The following ANGPT2 variants were observed in gnomAD, a reference collection of about 807,000 sequenced individuals.
The protein encoded by ANGPT2 is angiopoietin-2.
In ANGPT2, 28 loss-of-function variants were observed where a neutral mutation model predicts 62.9. That is an observed-to-expected ratio of 0.44 (90% confidence interval 0.33 to 0.61). ANGPT2 has a LOEUF of 0.61. ANGPT2 is among the 20% of genes least tolerant of loss of function. The pLI is 0.03. For synonymous variants in ANGPT2, 284 were observed against 207.8 expected (o/e 1.37, Z -3.15); for missense variants, 727 against 594.9 (o/e 1.22, Z -2.31).
At chr8:6,535,723 T>C (rs1820363145) in intron 1 of ANGPT2, among the ~76,000 whole-genome samples, 4 of 152,114 alleles carry the variant, frequency 2.6e-5, no homozygotes, top group Non-Finnish European at 4.4e-5. Flanking sequence ...GAACCAAAAA[T>C]GTGCAGTAGT....
At chr8:6,560,726 T>G (rs1562714) in intron 1 of ANGPT2, among the ~76,000 whole-genome samples, 24,070 of 152,202 alleles carry the variant, frequency 0.16, 5,071 homozygotes, top group African/African-American at 0.49. Context: ...GAAATTTTGG[T>G]CGCCTAACAT....
intron 1 of ANGPT2, among the ~76,000 whole-genome samples, chr8:6,555,482 G>A (rs1270512599): frequency 5.6e-5 from 8 of 143,092 alleles, no homozygotes; most frequent in Admixed American, 5.5e-4. Flanking sequence ...TTTTTTTGGA[G>A]ACAGGATCTC....
intron 1 of ANGPT2, among the ~76,000 whole-genome samples, chr8:6,553,682 T>A (rs1048506122): frequency 1.3e-5 from 2 of 149,162 alleles, no homozygotes; most frequent in Admixed American, 6.6e-5. Context: ...TTTTTTTTTT[T>A]ACCTCTCCCC....
At chr8:6,521,764 G>A (rs547169571) in intron 3 of ANGPT2, among the ~76,000 whole-genome samples, 2 of 152,346 alleles carry the variant, frequency 1.3e-5, no homozygotes, top group South Asian at 4.2e-4. Flanking sequence ...TGCTCATGAA[G>A]TGCTTTTTTG....
At chr8:6,506,633 A>G (rs1586202263) in intron 8 of ANGPT2, among the ~76,000 whole-genome samples, 1 of 152,160 alleles carries the variant, frequency 6.6e-6, no homozygotes, top group Non-Finnish European at 1.5e-5. Flanking sequence ...AGCTTTAAAA[A>G]GGATGATTGT....
chr8:6,548,676 A>G (rs1044703932), intron 1 of ANGPT2, among the ~76,000 whole-genome samples: 6 of 152,314 alleles, frequency 3.9e-5, no homozygotes, highest in African/African-American at 1.4e-4. Context: ...GATTTGAAAA[A>G]AGGAAGAAAA....
At chr8:6,560,893 G>A (rs1057112286) in intron 1 of ANGPT2, among the ~76,000 whole-genome samples, 20 of 152,170 alleles carry the variant, frequency 1.3e-4, no homozygotes, top group African/African-American at 4.1e-4. Flanking sequence ...CTTGCATTTG[G>A]CCTAGCATTC....
intron 8 of ANGPT2, among the ~76,000 whole-genome samples, chr8:6,505,351 CT>C (rs1363906057): frequency 9.2e-4 from 34 of 37,034 alleles, no homozygotes; most frequent in Middle Eastern, 0.031. Context: ...TATATATATT[CT>C]TTCTATATGT....
Position 6,509,079 on chromosome 8 carries a change from A to G in ANGPT2, c.1197-17T>C, listed in dbSNP as rs768835261. The G allele has an allele frequency of 2.5e-6, 4 of 1,609,508 alleles. No individual in the cohort carries two copies. The highest frequency in any genetic ancestry group is 2.2e-5 in the East Asian group (1 of 44,828). Reference sequence around the variant, plus strand: ...AGGTGAATCCTGTAAGCGTGCAAAGAAAAAAAACACATTGGCTAGGGTCAT... The same window carrying G: ...AGGTGAATCCTGTAAGCGTGCAAAGGAAAAAAACACATTGGCTAGGGTCAT... On this transcript the variant is annotated splice_polypyrimidine_tract_variant and intron_variant, in intron 7 of 8. Coordinates refer to ENST00000629816, the MANE Select transcript of ANGPT2 (RefSeq NM_001118887.2).
chr8:6,530,316 T>C (rs1734723014), intron 2 of ANGPT2, among the ~76,000 whole-genome samples: 1 of 152,090 alleles, frequency 6.6e-6, no homozygotes, highest in African/African-American at 2.4e-5. Flanking sequence ...GAGACCAGCC[T>C]GGCCAACGTG....
Position 6,499,917 on chromosome 8 carries a change from C to T in ANGPT2, c.*3184G>A. On this transcript the variant is annotated 3_prime_UTR_variant, in exon 9 of 9. Transcript: ENST00000629816. Reference sequence around the variant, plus strand: ...AGCCGTTCGAACTGTCTCACCACTTCCCTGCAGCTCCCGTAAGTCAGATGT... The same window carrying T: ...AGCCGTTCGAACTGTCTCACCACTTTCCTGCAGCTCCCGTAAGTCAGATGT... 2 of 1,613,556 alleles carry T rather than the reference C, an allele frequency of 1.2e-6. No homozygotes were observed. Among genetic ancestry groups the T allele is most frequent in the Non-Finnish European group, 1.7e-6 (2 of 1,179,802 alleles).
intron 3 of ANGPT2, among the ~76,000 whole-genome samples, chr8:6,521,643 C>T (rs1817363296): frequency 6.6e-6 from 1 of 152,114 alleles, no homozygotes; most frequent in Non-Finnish European, 1.5e-5. Flanking sequence ...CAGACTTATG[C>T]ATACACACAA....
At chr8:6,517,803 T>C (rs1816557091) in intron 5 of ANGPT2, among the ~76,000 whole-genome samples, 1 of 152,228 alleles carries the variant, frequency 6.6e-6, no homozygotes, top group African/African-American at 2.4e-5. Context: ...AGAATTTACA[T>C]CCAAGTCTGT....
chr8:6,520,142 TTTCC>T, intron 4 of ANGPT2, 151 bp from the exon 5 acceptor site: 1 of 819,758 alleles, frequency 1.2e-6, no homozygotes, highest in Non-Finnish European at 1.8e-6. Context: ...TTCTAGAAAG[TTTCC>T]TTTCAGCCTG....
chr8:6,525,939 A>C (rs1012998845), intron 3 of ANGPT2, among the ~76,000 whole-genome samples: 4 of 152,188 alleles, frequency 2.6e-5, no homozygotes, highest in African/African-American at 9.7e-5. Flanking sequence ...GCATTGTAGC[A>C]TGCTAAATTT....
At position 6,532,402 on chromosome 8, in the gene ANGPT2, A is replaced by G. The variant is rs201292344; in HGVS notation, c.374T>C (p.Ile125Thr). ...NAVQNQTAVM[I>T]EIGTNLLNQT... ...GTTCAACAGGTTTGTCCCTATTTCTATCATCACAGCCGTCTGGTTCTGTAC... is the reference window on the plus strand; with the variant it reads ...GTTCAACAGGTTTGTCCCTATTTCTGTCATCACAGCCGTCTGGTTCTGTAC... The change falls in exon 2 of 9, where the codon ATA (isoleucine) becomes ACA (threonine). Residue 125 changes from isoleucine (I) to threonine (T), a missense_variant. Physicochemically the swap from Ile to Thr is moderately conservative, Grantham distance 89. Transcript: ENST00000629816. The G allele has an allele frequency of 4.2e-4, 674 of 1,614,042 alleles. No individual in the cohort carries two copies. Among genetic ancestry groups the G allele is most frequent in the Non-Finnish European group, 5.1e-4 (602 of 1,180,022 alleles).
chr8:6,536,078 T>G (rs893494140), intron 1 of ANGPT2, among the ~76,000 whole-genome samples: 37 of 152,042 alleles, frequency 2.4e-4, no homozygotes, highest in African/African-American at 7.0e-4. Context: ...AAAATTAAAA[T>G]TAAAAGTAAA....
chr8:6,533,659 A>G (rs1819964887), intron 1 of ANGPT2, among the ~76,000 whole-genome samples: 1 of 151,296 alleles, frequency 6.6e-6, no homozygotes, highest in African/African-American at 2.4e-5. Context: ...TGAGTGCACA[A>G]ACCATGTTTT....
At chr8:6,529,667 GTTGC>G (rs1819077514) in intron 2 of ANGPT2, among the ~76,000 whole-genome samples, 1 of 130,506 alleles carries the variant, frequency 7.7e-6, no homozygotes, top group South Asian at 2.4e-4. Context: ...GTTTCACCAT[GTTGC>G]TCAAGCTGGT....
Sources: allele counts gnomAD v4.1 joint callset (sites outside exome capture counted in the v4.1 genomes callset), GRCh38; gene constraint gnomAD v4.1.1; transcripts MANE v1.5; gene names NCBI Gene and HGNC (gene_info 2026-07-23, HGNC 2026-07-21).